The following PSMD14 variants were observed in gnomAD, a reference collection of about 807,000 sequenced individuals.
The protein encoded by PSMD14 is proteasome 26S subunit, non-ATPase 14.
A neutral mutation model predicts 41.2 loss-of-function variants in PSMD14; 7 were observed. The observed-to-expected ratio is 0.17, with a 90% CI of 0.10 to 0.32. PSMD14 has a LOEUF of 0.32. Ranked by LOEUF, PSMD14 falls within the 10% of genes least tolerant of loss-of-function variation. PSMD14 has a pLI of 1.00. For synonymous variants in PSMD14, 114 were observed against 122.3 expected, an observed-to-expected ratio of 0.93 and a Z score of 0.45; for missense variants, 139 against 375.6, an observed-to-expected ratio of 0.37 and a Z score of 5.21.
At chr2:161,340,944 GAT>G (rs1682946397) in intron 3 of PSMD14, 1 of 1,613,346 alleles carries the variant, frequency 6.2e-7, no homozygotes, top group Admixed American at 1.7e-5. Flanking sequence ...AGGCCCTTCC[GAT>G]GATGGCCCCT....
chr2:161,398,208 G>A (rs1047159907), intron 10 of PSMD14, among the ~76,000 whole-genome samples: 4 of 152,056 alleles, frequency 2.6e-5, no homozygotes, highest in Non-Finnish European at 5.9e-5. Flanking sequence ...TTCCCTCTGT[G>A]ATTGAAAGAA....
chr2:161,393,205 G>C (rs898258973), intron 9 of PSMD14, among the ~76,000 whole-genome samples: 1 of 152,092 alleles, frequency 6.6e-6, no homozygotes, highest in Admixed American at 6.6e-5. Context: ...AACTGTCTTT[G>C]TTTGCTTTTG....
At chr2:161,372,564 TATACTA>T (rs1191698303) in intron 7 of PSMD14, among the ~76,000 whole-genome samples, 1 of 152,036 alleles carries the variant, frequency 6.6e-6, no homozygotes, top group Admixed American at 6.6e-5. Flanking sequence ...TAGAAACTGA[TATACTA>T]GACCATTCAG....
chr2:161,356,576 T>C (rs1269486389), intron 3 of PSMD14, among the ~76,000 whole-genome samples: 1 of 152,104 alleles, frequency 6.6e-6, no homozygotes, highest in Non-Finnish European at 1.5e-5. Flanking sequence ...ATAAATTATA[T>C]GTTTAGGTTT....
intron 3 of PSMD14, among the ~76,000 whole-genome samples, chr2:161,341,508 T>C (rs1425229142): frequency 3.3e-5 from 5 of 152,024 alleles, no homozygotes; most frequent in African/African-American, 1.2e-4. Context: ...CTTAACACTT[T>C]TTTGAAGACC....
In PSMD14 at chr2:161,327,946, C is replaced by CTGTGTGTGTGTGTGTGTGTGTGTGTGTG. The variant is rs369674882; in HGVS notation, c.48+9084_48+9111dup. ...GGGGAAGCAGGAATTCTCATGTAAG[C>CTGTGTGTGTGTGTGTGTGTGTGTGTGTG]TGTGTGTGTGTGTGTGTGTGTGTGT... On this transcript the variant is annotated intron_variant, in intron 3 of 11. Coordinates refer to ENST00000409682, the MANE Select transcript of PSMD14 (RefSeq NM_005805.6). Among the ~76,000 whole-genome samples, 148 of 117,154 alleles carry CTGTGTGTGTGTGTGTGTGTGTGTGTGTG rather than the reference C, an allele frequency of 1.3e-3. 6 individuals carry two copies. Among genetic ancestry groups the CTGTGTGTGTGTGTGTGTGTGTGTGTGTG allele is most frequent in the Middle Eastern group, 8.5e-3 (2 of 236 alleles). 76.9% of individuals were successfully genotyped at this position (117,154 alleles called of 152,430 possible).
chr2:161,351,904 G>T (rs548114951), intron 3 of PSMD14, among the ~76,000 whole-genome samples: 1 of 152,338 alleles, frequency 6.6e-6, no homozygotes, highest in Non-Finnish European at 1.5e-5. Context: ...GGTTAGGGAA[G>T]TGCAGTCGTA....
At chr2:161,395,971 C>T (rs189220291) in intron 10 of PSMD14, among the ~76,000 whole-genome samples, 4 of 152,308 alleles carry the variant, frequency 2.6e-5, no homozygotes, top group South Asian at 2.1e-4. Context: ...TGCAGACTTT[C>T]AGACCTAATG....
At chr2:161,366,387 AAC>A (rs36202166) in intron 3 of PSMD14, among the ~76,000 whole-genome samples, 89,385 of 148,250 alleles carry the variant, frequency 0.6, 27,351 homozygotes, top group Admixed American at 0.68. Context: ...AATAGAATTT[AAC>A]ACACACACAC....
At chr2:161,401,022 T>C (rs1174335798) in intron 10 of PSMD14, among the ~76,000 whole-genome samples, 3 of 152,190 alleles carry the variant, frequency 2.0e-5, no homozygotes, top group Admixed American at 6.5e-5. Context: ...GTTAAGAAAG[T>C]TGAATTGCTT....
chr2:161,313,605 C>T (rs1262343683), intron 1 of PSMD14, among the ~76,000 whole-genome samples: 3 of 152,206 alleles, frequency 2.0e-5, no homozygotes, highest in Non-Finnish European at 4.4e-5. Context: ...CTGCGTTGGC[C>T]TCCCAAATTG....
chr2:161,370,953 G>A (rs1683423189), intron 6 of PSMD14, among the ~76,000 whole-genome samples: 1 of 152,144 alleles, frequency 6.6e-6, no homozygotes, highest in African/African-American at 2.4e-5. Flanking sequence ...CACTGCTAAT[G>A]TGCATCTCTT....
At chr2:161,372,880 A>C (rs1275977598) in intron 7 of PSMD14, among the ~76,000 whole-genome samples, 2 of 151,964 alleles carry the variant, frequency 1.3e-5, no homozygotes, top group African/African-American at 4.8e-5. Context: ...TTTTAAATAT[A>C]ATTAGAATTC....
At chr2:161,338,436 ATTTG>A (rs1682900012) in intron 3 of PSMD14, among the ~76,000 whole-genome samples, 1 of 148,406 alleles carries the variant, frequency 6.7e-6, no homozygotes. Flanking sequence ...GATAACCTGT[ATTTG>A]TTGAGCTGCT....
At chr2:161,327,973 TGTGTGTGTGTGA>T (rs1046334751) in intron 3 of PSMD14, among the ~76,000 whole-genome samples, 3 of 149,980 alleles carry the variant, frequency 2.0e-5, no homozygotes, top group Admixed American at 6.6e-5. Context: ...TGTGTGTGTG[TGTGTGTGTGTGA>T]GATGTTGGTT....
intron 2 of PSMD14, 80 bp from the exon 3 acceptor site, chr2:161,318,742 C>T: frequency 9.2e-7 from 1 of 1,084,962 alleles, no homozygotes; most frequent in Non-Finnish European, 1.4e-6. Flanking sequence ...TACTGAGTGA[C>T]TGAAGGTGAA....
chr2:161,376,392 A>C (rs1343017701), intron 7 of PSMD14, among the ~76,000 whole-genome samples: 1 of 151,872 alleles, frequency 6.6e-6, no homozygotes, highest in Non-Finnish European at 1.5e-5. Flanking sequence ...CTTTATTCTG[A>C]AGATTAACAT....
chr2:161,386,653 A>G (rs1683639723), intron 8 of PSMD14, among the ~76,000 whole-genome samples: 1 of 152,004 alleles, frequency 6.6e-6, no homozygotes, highest in African/African-American at 2.4e-5. Context: ...ACAAGCCTGT[A>G]CTTGCATGTT....
chr2:161,393,615 G>T (rs1200002074), intron 9 of PSMD14, among the ~76,000 whole-genome samples: 3 of 152,120 alleles, frequency 2.0e-5, no homozygotes, highest in African/African-American at 7.2e-5. Flanking sequence ...ATACCTCCAA[G>T]TACATCTTCA....
Sources: gnomAD v4.1 joint callset for allele counts (sites outside exome capture counted in the v4.1 genomes callset) on GRCh38, gnomAD v4.1.1 for gene constraint, MANE v1.5 for transcripts, NCBI Gene and HGNC (gene_info 2026-07-23, HGNC 2026-07-21) for gene names.